Variants in SOX5 observed in about 807,000 individuals in gnomAD.
SOX5 encodes SRY-box transcription factor 5, also known as transcription factor SOX-5.
SOX5 carries 9 observed loss-of-function variants against 92.0 expected under a neutral mutation model. That is an observed-to-expected ratio of 0.10 (90% CI 0.06 to 0.17). The LOEUF is 0.17. Among genes scored for constraint, SOX5 ranks in the 10% least tolerant of loss-of-function variants. The probability of loss-of-function intolerance (pLI) is 1.00; values close to 1 mark genes in which losing one functional copy is unlikely to be tolerated. For missense variants in SOX5, 642 were observed against 944.5 expected, an observed-to-expected ratio of 0.68 and a Z score of 4.20; for synonymous variants, 344 against 336.3, an observed-to-expected ratio of 1.02 and a Z score of -0.25.
intron 2 of SOX5, among the ~76,000 whole-genome samples, chr12:24,316,553 G>A (rs1223560412): frequency 6.6e-6 from 1 of 152,028 alleles, no homozygotes; most frequent in African/African-American, 2.4e-5. Context: ...CTAACTTTTG[G>A]GTGTGAAGGA....
At chr12:24,323,619 G>A (rs969419349) in intron 2 of SOX5, among the ~76,000 whole-genome samples, 34 of 151,958 alleles carry the variant, frequency 2.2e-4, no homozygotes, top group African/African-American at 8.2e-4. Flanking sequence ...AAATAAAAAT[G>A]CCCTTCTAAT....
intron 4 of SOX5, among the ~76,000 whole-genome samples, chr12:24,155,724 C>A (rs1376120574): frequency 1.3e-5 from 2 of 152,100 alleles, no homozygotes; most frequent in African/African-American, 4.8e-5. Context: ...CATCTCTTTT[C>A]AATACTTAGT....
intron 1 of SOX5, among the ~76,000 whole-genome samples, chr12:24,545,908 T>C (rs1308012167): frequency 2.0e-5 from 3 of 152,180 alleles, no homozygotes; most frequent in Non-Finnish European, 2.9e-5. Flanking sequence ...GAGCTCCCCA[T>C]TGGCGAGCTG....
chr12:23,899,210 T>G (rs1293621195), intron 1 of SOX5, among the ~76,000 whole-genome samples: 5 of 152,084 alleles, frequency 3.3e-5, no homozygotes, highest in Non-Finnish European at 7.4e-5. Flanking sequence ...CAGATCAGCC[T>G]GACCAACATG....
chr12:24,286,619 C>T (rs1008309883), intron 2 of SOX5, among the ~76,000 whole-genome samples: 2 of 152,148 alleles, frequency 1.3e-5, no homozygotes, highest in African/African-American at 4.8e-5. Context: ...CTCATTGCAA[C>T]CTCAAACTCC....
intron 2 of SOX5, among the ~76,000 whole-genome samples, chr12:24,310,323 C>T (rs1949048526): frequency 6.6e-6 from 1 of 152,126 alleles, no homozygotes; most frequent in Non-Finnish European, 1.5e-5. Context: ...ATGAATGTTA[C>T]ATGTGTTATG....
At chr12:24,051,399 G>A (rs990973312) in intron 4 of SOX5, among the ~76,000 whole-genome samples, 9 of 151,842 alleles carry the variant, frequency 5.9e-5, no homozygotes, top group Non-Finnish European at 7.4e-5. Flanking sequence ...ACATGCAAAC[G>A]TTATATATCA....
Position 23,609,472 on chromosome 12 carries a change from T to A in SOX5, c.1018-4939A>T, listed in dbSNP as rs551725765. ...AGTTGTGAAATGAAGACGGAAAAAATAATTTCAAGTTCATAGCATACTGGG... is the reference window on the plus strand; with the variant it reads ...AGTTGTGAAATGAAGACGGAAAAAAAAATTTCAAGTTCATAGCATACTGGG... On this transcript the variant is annotated intron_variant, in intron 8 of 14. Coordinates refer to ENST00000451604, the MANE Select transcript of SOX5 (RefSeq NM_006940.6). Among the ~76,000 whole-genome samples, 3 of 151,874 alleles carry A rather than the reference T, an allele frequency of 2.0e-5. No homozygotes were observed. In the South Asian group the frequency reaches 6.2e-4, roughly 31 times the overall value.
intron 2 of SOX5, among the ~76,000 whole-genome samples, chr12:24,353,941 C>G (rs1266110065): frequency 6.6e-6 from 1 of 152,104 alleles, no homozygotes; most frequent in Non-Finnish European, 1.5e-5. Context: ...GCCCGGCCAC[C>G]TCATTATTCT....
At chr12:23,877,426 G>A (rs538334869) in intron 2 of SOX5, among the ~76,000 whole-genome samples, 1 of 152,158 alleles carries the variant, frequency 6.6e-6, no homozygotes, top group East Asian at 1.9e-4. Context: ...CATGAGTCCA[G>A]TCTGTTTATG....
At chr12:24,291,685 A>G (rs1313913520) in intron 2 of SOX5, among the ~76,000 whole-genome samples, 3 of 152,256 alleles carry the variant, frequency 2.0e-5, no homozygotes, top group African/African-American at 7.2e-5. Context: ...TATAGGTTCT[A>G]ATACAGTATG....
chr12:23,726,117 CCGAGAGAGAGAGAGAGAGAGAGAGAG>C (rs1228071658), intron 6 of SOX5, among the ~76,000 whole-genome samples: 1,918 of 104,932 alleles, frequency 0.018, 49 homozygotes, highest in African/African-American at 0.062. Context: ...ACATACATCC[CCGAGAGAGAGAGAGAGAGAGAGAGAG>C]AGAGAGAGAG....
chr12:24,187,709 A>C (rs1384077037), intron 4 of SOX5, among the ~76,000 whole-genome samples: 3 of 152,114 alleles, frequency 2.0e-5, no homozygotes, highest in African/African-American at 7.2e-5. Flanking sequence ...CCTCTGCATT[A>C]CCACTTAACT....
At chr12:23,965,883 T>G (rs1257667502) in intron 4 of SOX5, among the ~76,000 whole-genome samples, 2 of 152,254 alleles carry the variant, frequency 1.3e-5, no homozygotes, top group East Asian at 1.9e-4. Flanking sequence ...CCTCCCAAAG[T>G]GCAGGGATTG....
intron 1 of SOX5, among the ~76,000 whole-genome samples, chr12:24,535,904 T>C (rs1951599909): frequency 6.6e-6 from 1 of 151,502 alleles, no homozygotes; most frequent in Non-Finnish European, 1.5e-5. Flanking sequence ...CACCACCCTG[T>C]GTTCCTTCAC....
chr12:24,118,955 T>G (rs1468816687), intron 4 of SOX5, among the ~76,000 whole-genome samples: 1 of 152,204 alleles, frequency 6.6e-6, no homozygotes, highest in African/African-American at 2.4e-5. Context: ...AGTTTTGATC[T>G]CAGTCATAAA....
chr12:24,296,660 G>T (rs1039868391), intron 2 of SOX5, among the ~76,000 whole-genome samples: 1 of 152,076 alleles, frequency 6.6e-6, no homozygotes, highest in Non-Finnish European at 1.5e-5. Context: ...TCAACTTTCT[G>T]ACAGTAGCAA....
intron 6 of SOX5, among the ~76,000 whole-genome samples, chr12:23,709,931 C>A (rs1249161045): frequency 2.6e-5 from 4 of 152,190 alleles, no homozygotes; most frequent in African/African-American, 9.7e-5. Context: ...AATGGAACTT[C>A]TGCCCAGTCC....
At chr12:23,652,517 G>GTT (rs3030242) in intron 7 of SOX5, among the ~76,000 whole-genome samples, 8,683 of 139,950 alleles carry the variant, frequency 0.062, 356 homozygotes, top group South Asian at 0.094. Flanking sequence ...CTCTTCTACT[G>GTT]TTTTTTTTTT....
Sources: gnomAD v4.1 joint callset for allele counts (sites outside exome capture counted in the v4.1 genomes callset) on GRCh38, gnomAD v4.1.1 for gene constraint, MANE v1.5 for transcripts, NCBI Gene and HGNC (gene_info 2026-07-23, HGNC 2026-07-21) for gene names.